The following PTPRD variants were observed in gnomAD, a reference collection of about 807,000 sequenced individuals.
PTPRD encodes the protein receptor-type tyrosine-protein phosphatase delta.
PTPRD carries 34 observed loss-of-function variants against 214.5 expected under a neutral mutation model. The observed-to-expected ratio is 0.16, with a 90% CI of 0.12 to 0.21. The LOEUF is 0.21. Among genes scored for constraint, PTPRD ranks in the 10% least tolerant of loss-of-function variants. PTPRD has a pLI of 1.00. For synonymous variants in PTPRD, 1,128 were observed against 845.7 expected (o/e 1.33, Z -5.79); for missense variants, 2,545 against 2,398.7 (o/e 1.06, Z -1.27).
In PTPRD at chr9:9,974,479, C is replaced by A. The variant is rs545902330; in HGVS notation, c.-471-35869G>T. On this transcript the variant is annotated intron_variant, in intron 4 of 45. Transcript: ENST00000381196. The stretch of plus-strand genomic sequence containing the variant: ...CAGTTCTTTGACTTCAGATCAACAA[C>A]TCTGGCCAATAAGGTCACCTGGCAT... Among the ~76,000 whole-genome samples the A allele has an allele frequency of 9.7e-4, 147 of 152,262 alleles. 1 individual carries two copies. The highest frequency in any genetic ancestry group is 3.2e-3 in the African/African-American group (135 of 41,544).
chr9:10,258,843 T>C (rs1564838622), intron 3 of PTPRD, among the ~76,000 whole-genome samples: 1 of 152,202 alleles, frequency 6.6e-6, no homozygotes, highest in Non-Finnish European at 1.5e-5. Context: ...TCGTTTTTAT[T>C]TTTTATACTT....
At chr9:10,089,112 T>C (rs2098397800) in intron 3 of PTPRD, among the ~76,000 whole-genome samples, 1 of 151,084 alleles carries the variant, frequency 6.6e-6, no homozygotes, top group Non-Finnish European at 1.5e-5. Flanking sequence ...GAGGCTGAGG[T>C]GGAAGGATTG....
intron 2 of PTPRD, among the ~76,000 whole-genome samples, chr9:10,574,673 T>C (rs1368431717): frequency 6.6e-6 from 1 of 151,934 alleles, no homozygotes; most frequent in Non-Finnish European, 1.5e-5. Context: ...AAATGAATCA[T>C]TATATGATCT....
intron 39 of PTPRD, among the ~76,000 whole-genome samples, chr9:8,343,064 G>A (rs912724171): frequency 1.2e-4 from 19 of 152,024 alleles, no homozygotes; most frequent in African/African-American, 4.3e-4. Context: ...CAAAACAAAT[G>A]AGTTAATGCT....
intron 5 of PTPRD, among the ~76,000 whole-genome samples, chr9:9,815,999 T>C (rs933057161): frequency 6.6e-6 from 1 of 152,130 alleles, no homozygotes. Flanking sequence ...AAGTACACAC[T>C]GAAGAAAGGG....
chr9:9,493,787 C>CAAAAAAAAAA (rs750252052), intron 8 of PTPRD, among the ~76,000 whole-genome samples: 220 of 53,634 alleles, frequency 4.1e-3, no homozygotes, highest in Middle Eastern at 0.014. Context: ...GACTCCGTCT[C>CAAAAAAAAAA]AAAAAAAAAA....
chr9:8,644,272 T>C (rs1349251882), intron 12 of PTPRD, among the ~76,000 whole-genome samples: 1 of 151,750 alleles, frequency 6.6e-6, no homozygotes, highest in Non-Finnish European at 1.5e-5. Context: ...GGAGCTACCC[T>C]CTCTGACAGG....
chr9:9,433,326 G>A (rs980790668), intron 8 of PTPRD, among the ~76,000 whole-genome samples: 3 of 152,150 alleles, frequency 2.0e-5, no homozygotes, highest in Non-Finnish European at 4.4e-5. Context: ...AGACTGAACT[G>A]ACACACATGA....
chr9:10,224,657 T>C (rs1244620525), intron 3 of PTPRD, among the ~76,000 whole-genome samples: 1 of 152,034 alleles, frequency 6.6e-6, no homozygotes, highest in East Asian at 1.9e-4. Context: ...TAATGTGCCA[T>C]TGACCCTTGA....
intron 35 of PTPRD, among the ~76,000 whole-genome samples, chr9:8,406,947 C>T (rs2093042692): frequency 6.6e-6 from 1 of 152,190 alleles, no homozygotes; most frequent in Non-Finnish European, 1.5e-5. Flanking sequence ...CCTCTGATAT[C>T]CTTGTTTTAC....
rs138230906 is a variant in PTPRD, at chr9:9,860,373, A to G, written c.-368+78134T>C. ...AGGAATTCTGTTTCTTTCTTGAAGA[A>G]ATGTTTGGTTGTCTGCATATAAAGT... On this transcript the variant is annotated intron_variant, in intron 5 of 45. Coordinates refer to ENST00000381196, the MANE Select transcript of PTPRD (RefSeq NM_002839.4). 3.3e-4 allele frequency among the ~76,000 whole-genome samples: 51 copies of G among 152,352 alleles called. 1 individual carries two copies. Among genetic ancestry groups the G allele is most frequent in the African/African-American group, 1.2e-3 (50 of 41,594 alleles).
intron 39 of PTPRD, among the ~76,000 whole-genome samples, chr9:8,370,985 G>A (rs972691466): frequency 3.3e-5 from 5 of 152,062 alleles, no homozygotes; most frequent in African/African-American, 1.2e-4. Context: ...AAGCACTTAT[G>A]ACAGGGCCTC....
intron 36 of PTPRD, among the ~76,000 whole-genome samples, chr9:8,404,055 T>C (rs952816314): frequency 2.0e-5 from 3 of 152,192 alleles, no homozygotes; most frequent in Admixed American, 2.0e-4. Flanking sequence ...TCAGGGATAT[T>C]GTGGCCTATG....
At chr9:8,619,420 T>A (rs185631289) in intron 14 of PTPRD, among the ~76,000 whole-genome samples, 75 of 151,984 alleles carry the variant, frequency 4.9e-4, no homozygotes, top group African/African-American at 1.8e-3. Flanking sequence ...TTTTTTAGAT[T>A]CCACAAATCA....
chr9:9,218,353 T>A (rs1178907565), intron 9 of PTPRD, among the ~76,000 whole-genome samples: 2 of 152,152 alleles, frequency 1.3e-5, no homozygotes, highest in Non-Finnish European at 2.9e-5. Context: ...ACACTTCATT[T>A]TTAAAAGCCA....
At chr9:9,188,136 C>T (rs924590026) in intron 9 of PTPRD, among the ~76,000 whole-genome samples, 1 of 151,916 alleles carries the variant, frequency 6.6e-6, no homozygotes, top group African/African-American at 2.4e-5. Flanking sequence ...TTGCCTTGAA[C>T]GTTATGTAAA....
chr9:8,871,098 T>G (rs1397359389), intron 11 of PTPRD, among the ~76,000 whole-genome samples: 1 of 152,206 alleles, frequency 6.6e-6, no homozygotes, highest in Non-Finnish European at 1.5e-5. Context: ...ATTAAAGCGT[T>G]GGCAATGCCC....
chr9:10,482,572 G>C (rs954913059), intron 2 of PTPRD, among the ~76,000 whole-genome samples: 6 of 151,818 alleles, frequency 4.0e-5, no homozygotes, highest in African/African-American at 1.5e-4. Flanking sequence ...CTTTGGAGAA[G>C]ACCCCTCAAA....
At chr9:9,568,271 A>G (rs147349609) in intron 8 of PTPRD, among the ~76,000 whole-genome samples, 19 of 152,032 alleles carry the variant, frequency 1.2e-4, no homozygotes, top group African/African-American at 4.6e-4. Context: ...TTCATAGTGC[A>G]CATCCTTCTT....
Sources: allele counts gnomAD v4.1 joint callset (sites outside exome capture counted in the v4.1 genomes callset), GRCh38; gene constraint gnomAD v4.1.1; transcripts MANE v1.5; gene names NCBI Gene and HGNC (gene_info 2026-07-23, HGNC 2026-07-21).